SPTLC2: variants seen among roughly 807,000 people sequenced by gnomAD.
The protein encoded by SPTLC2 is serine palmitoyltransferase long chain base subunit 2.
SPTLC2 carries 21 observed loss-of-function variants against 62.0 expected under a neutral mutation model. The observed-to-expected ratio is 0.34, with a 90% CI of 0.24 to 0.49. The LOEUF (loss-of-function observed/expected upper bound fraction) is 0.49, where lower values mean the gene tolerates loss of function less well. Among genes scored for constraint, SPTLC2 ranks in the 20% least tolerant of loss-of-function variants. The pLI is 0.99. For synonymous variants in SPTLC2, 261 were observed against 261.8 expected (o/e 1.00, Z 0.03); for missense variants, 511 against 713.0 (o/e 0.72, Z 3.23).
At chr14:77,590,673 T>C (rs1052075422) in intron 2 of SPTLC2, among the ~76,000 whole-genome samples, 7 of 151,970 alleles carry the variant, frequency 4.6e-5, no homozygotes, top group African/African-American at 1.7e-4. Flanking sequence ...GATCGCGCCA[T>C]TGCACTCCAG....
intron 11 of SPTLC2, among the ~76,000 whole-genome samples, chr14:77,517,123 G>A (rs551022061): frequency 1.3e-5 from 2 of 152,306 alleles, no homozygotes; most frequent in African/African-American, 4.8e-5. Context: ...GCGCATGCCT[G>A]TAATCCCAGC....
chr14:77,539,782 G>A (rs2079490524), intron 9 of SPTLC2, among the ~76,000 whole-genome samples: 1 of 152,040 alleles, frequency 6.6e-6, no homozygotes, highest in Non-Finnish European at 1.5e-5. Context: ...GAGCCACTGT[G>A]CCCAGCCGCT....
At chr14:77,609,452 T>C (rs176897) in intron 1 of SPTLC2, among the ~76,000 whole-genome samples, 86,915 of 151,796 alleles carry the variant, frequency 0.57, 25,154 homozygotes, top group East Asian at 0.68. Context: ...ATAAATAACG[T>C]GGGGCTAGAC....
chr14:77,591,136 T>C (rs1006325636), intron 2 of SPTLC2, among the ~76,000 whole-genome samples: 6 of 152,182 alleles, frequency 3.9e-5, no homozygotes, highest in African/African-American at 1.4e-4. Flanking sequence ...TATTCAGCAA[T>C]AGGAAGCAAT....
At chr14:77,519,037 C>G (rs950976152) in intron 10 of SPTLC2, among the ~76,000 whole-genome samples, 1 of 152,176 alleles carries the variant, frequency 6.6e-6, no homozygotes, top group Non-Finnish European at 1.5e-5. Context: ...TTAATTTTGT[C>G]TACTAAATTA....
chr14:77,609,688 A>G lies in SPTLC2; in HGVS notation c.132+6760T>C, dbSNP rs574275943. Among the ~76,000 whole-genome samples, 250 of 151,964 alleles carry G rather than the reference A, an allele frequency of 1.6e-3. 2 individuals carry two copies. The highest frequency in any genetic ancestry group is 5.0e-4 in the Non-Finnish European group (34 of 67,940). On this transcript the variant is annotated intron_variant, in intron 1 of 11. Transcript: ENST00000216484. ...TGGGGTGGAGGTTGCAGTGAGCCAC[A>G]CTGCACCCCAGCCTGGGCAACGGAG...
At chr14:77,532,537 C>A (rs2079445778) in intron 9 of SPTLC2, among the ~76,000 whole-genome samples, 1 of 152,108 alleles carries the variant, frequency 6.6e-6, no homozygotes, top group South Asian at 2.1e-4. Context: ...GTAAACCCAG[C>A]ACTTTGGGAG....
intron 1 of SPTLC2, among the ~76,000 whole-genome samples, chr14:77,603,484 G>C (rs2079888786): frequency 6.6e-6 from 1 of 152,178 alleles, no homozygotes; most frequent in Non-Finnish European, 1.5e-5. Context: ...ACAGTTTGGA[G>C]CTTTACACAA....
intron 5 of SPTLC2, among the ~76,000 whole-genome samples, chr14:77,564,743 C>G (rs1210879453): frequency 3.3e-5 from 5 of 151,824 alleles, no homozygotes; most frequent in Non-Finnish European, 7.4e-5. Flanking sequence ...CAGGTACCCA[C>G]CTGAAGCAGC....
chr14:77,607,440 A>G (rs2079911119), intron 1 of SPTLC2, among the ~76,000 whole-genome samples: 1 of 152,242 alleles, frequency 6.6e-6, no homozygotes, highest in African/African-American at 2.4e-5. Context: ...TTACTTTTCC[A>G]CCAATCAATA....
chr14:77,602,943 G>A lies in SPTLC2; in HGVS notation c.133-5563C>T, dbSNP rs1256311992. Among the ~76,000 whole-genome samples the A allele has an allele frequency of 7.2e-4, 110 of 152,086 alleles. 1 individual carries two copies. Among genetic ancestry groups the A allele is most frequent in the Non-Finnish European group, 2.5e-4 (17 of 68,018 alleles). ...TCCTCTATAGCAAAAGAAAACCCTG[G>A]ATTATATGTTGCCTTCTGTCTCTTA... On this transcript the variant is annotated intron_variant, in intron 1 of 11. Coordinates refer to ENST00000216484, the MANE Select transcript of SPTLC2 (RefSeq NM_004863.4).
intron 9 of SPTLC2, among the ~76,000 whole-genome samples, chr14:77,533,589 G>C (rs536626178): frequency 1.3e-5 from 2 of 152,194 alleles, no homozygotes; most frequent in Non-Finnish European, 2.9e-5. Context: ...CAGGGCTTAC[G>C]ATGTTCCAGA....
At chr14:77,559,784 A>G (rs2079604999) in intron 6 of SPTLC2, among the ~76,000 whole-genome samples, 1 of 152,062 alleles carries the variant, frequency 6.6e-6, no homozygotes, top group African/African-American at 2.4e-5. Flanking sequence ...CTAGCTACTC[A>G]GGAGACTGAG....
chr14:77,592,453 G>A (rs754188157), intron 2 of SPTLC2, among the ~76,000 whole-genome samples: 1 of 152,114 alleles, frequency 6.6e-6, no homozygotes, highest in Non-Finnish European at 1.5e-5. Context: ...CTTTTTGAAG[G>A]AGGCCAAGAA....
chr14:77,579,196 G>A, intron 2 of SPTLC2, 87 bp from the exon 3 acceptor site: 1 of 1,409,686 alleles, frequency 7.1e-7, no homozygotes, highest in Non-Finnish European at 9.8e-7. Flanking sequence ...TTTTATTTAT[G>A]TAAATTTATG....
At chr14:77,537,009 G>T (rs1490111981) in intron 9 of SPTLC2, among the ~76,000 whole-genome samples, 1 of 150,174 alleles carries the variant, frequency 6.7e-6, no homozygotes, top group Non-Finnish European at 1.5e-5. Context: ...TGCAACCTCC[G>T]CCTCCCAGGT....
rs1322535843 is a variant in SPTLC2 at position 77,556,244 on chromosome 14, C to T, written c.957-725G>A. On this transcript the variant is annotated intron_variant, in intron 7 of 11. Transcript: ENST00000216484. The stretch of plus-strand genomic sequence containing the variant: ...AGGCTAAGGCAGGAGAACCGGGAAG[C>T]GGAGGTTGCAGTGAGCCGACATCCC... Among the ~76,000 whole-genome samples, 7 of 151,916 alleles carry T rather than the reference C, an allele frequency of 4.6e-5. No individual in the cohort carries two copies. The South Asian group carries it at 1.2e-3, about 27-fold the overall frequency.
intron 1 of SPTLC2, among the ~76,000 whole-genome samples, chr14:77,599,359 G>C (rs1317295993): frequency 6.6e-6 from 1 of 152,192 alleles, no homozygotes; most frequent in African/African-American, 2.4e-5. Context: ...AATCTGATCA[G>C]AGATACGATA....
At chr14:77,528,628 G>A (rs914356678) in intron 9 of SPTLC2, among the ~76,000 whole-genome samples, 6 of 152,132 alleles carry the variant, frequency 3.9e-5, no homozygotes, top group Non-Finnish European at 7.4e-5. Context: ...AATGGTTTCA[G>A]TTAGTTTTCA....
Sources: allele counts gnomAD v4.1 joint callset (sites outside exome capture counted in the v4.1 genomes callset), GRCh38; gene constraint gnomAD v4.1.1; transcripts MANE v1.5; gene names NCBI Gene and HGNC (gene_info 2026-07-23, HGNC 2026-07-21).